ANKRD22: variants seen among roughly 807,000 people sequenced by gnomAD.
ANKRD22 encodes the protein ankyrin repeat domain 22, also known as ankyrin repeat domain-containing protein 22.
In ANKRD22, 24 loss-of-function variants were observed where a neutral mutation model predicts 25.7. That is an observed-to-expected ratio of 0.93 (90% confidence interval 0.68 to 1.31). The LOEUF (loss-of-function observed/expected upper bound fraction) is 1.31. ANKRD22 is among the 50% of genes most tolerant of loss of function. The pLI is 0.00. For synonymous variants in ANKRD22, 84 were observed against 84.3 expected (o/e 1.00, Z 0.02); for missense variants, 214 against 227.1 (o/e 0.94, Z 0.37).
chr10:88,828,254 G>A (rs1589323036), intron 3 of ANKRD22, among the ~76,000 whole-genome samples: 1 of 152,114 alleles, frequency 6.6e-6, no homozygotes, highest in African/African-American at 2.4e-5. Flanking sequence ...ATATTAGAAG[G>A]GGTGTTTTTT....
At chr10:88,831,362 G>A (rs1186436911) in intron 2 of ANKRD22, among the ~76,000 whole-genome samples, 1 of 152,038 alleles carries the variant, frequency 6.6e-6, no homozygotes, top group African/African-American at 2.4e-5. Context: ...ATTTGTCCTT[G>A]GTAAATTTCT....
Position 88,821,118 on chromosome 10 carries a change from T to C in ANKRD22, c.*1823A>G, listed in dbSNP as rs1843788764. On this transcript the variant is annotated 3_prime_UTR_variant, in exon 6 of 6. Transcript: ENST00000371930. ...TCCAATAAATGCATTCTGCATTACA[T>C]AAAGCATGTATGTGCATTTCAGTGT... Among the ~76,000 whole-genome samples, 1 of 152,242 alleles carries C rather than the reference T, an allele frequency of 6.6e-6. No homozygotes were observed. The highest frequency in any genetic ancestry group is 1.5e-5 in the Non-Finnish European group (1 of 68,034).
intron 3 of ANKRD22, among the ~76,000 whole-genome samples, chr10:88,827,642 T>C (rs891064988): frequency 3.3e-5 from 5 of 152,236 alleles, no homozygotes; most frequent in Admixed American, 6.5e-5. Flanking sequence ...CTCTCTCCTA[T>C]AAATCCAAAT....
intron 1 of ANKRD22, among the ~76,000 whole-genome samples, chr10:88,846,925 TCAG>T (rs1456011883): frequency 6.6e-6 from 1 of 152,196 alleles, no homozygotes; most frequent in African/African-American, 2.4e-5. Flanking sequence ...TGCTTTCTGA[TCAG>T]CAGATGTTTC....
intron 3 of ANKRD22, among the ~76,000 whole-genome samples, chr10:88,826,406 C>T (rs1843856749): frequency 6.6e-6 from 1 of 152,184 alleles, no homozygotes; most frequent in Admixed American, 6.5e-5. Context: ...GGCCTAGTAC[C>T]TGTCTTTCCC....
In ANKRD22 at chr10:88,822,579, C is replaced by G. The variant is rs1237018008; in HGVS notation, c.*362G>C. On this transcript the variant is annotated 3_prime_UTR_variant, in exon 6 of 6. Transcript: ENST00000371930. ...TTTTTTTTTTTTTGAGACAGGGTCT[C>G]GCTGTGTTGCCCTGGCTGCTCTCAA... The G allele has an allele frequency of 4.9e-5, 1 of 20,422 alleles. No individual in the cohort carries two copies. Among genetic ancestry groups the G allele is most frequent in the African/African-American group, 1.5e-4 (1 of 6,580 alleles). 1.3% of individuals were successfully genotyped at this position (20,422 alleles called of 1,614,324 possible).
In ANKRD22 at chr10:88,832,038, A is replaced by G; in HGVS notation, c.22-12T>C. 2 of 1,583,990 alleles carry G rather than the reference A, an allele frequency of 1.3e-6. No individual in the cohort carries two copies. Among genetic ancestry groups the G allele is most frequent in the Non-Finnish European group, 1.7e-6 (2 of 1,167,488 alleles). ...GCTTGGCAGATGGGCTGGGTCGGGA[A>G]AAACAAAAGCAGGTTTTGAAATACT... On this transcript the variant is annotated splice_polypyrimidine_tract_variant and intron_variant, in intron 1 of 5. Transcript: ENST00000371930.
chr10:88,843,301 C>T (rs1395052355), intron 1 of ANKRD22, among the ~76,000 whole-genome samples: 4 of 152,104 alleles, frequency 2.6e-5, no homozygotes, highest in Non-Finnish European at 1.5e-5. Context: ...GCTGAAAGAC[C>T]TCATCCCACC....
At chr10:88,834,980 G>A (rs1259548225) in intron 1 of ANKRD22, among the ~76,000 whole-genome samples, 1 of 152,002 alleles carries the variant, frequency 6.6e-6, no homozygotes, top group Non-Finnish European at 1.5e-5. Flanking sequence ...GCTAACACTG[G>A]GCCCATATTC....
At position 88,821,896 on chromosome 10, in the gene ANKRD22, C is replaced by T. The variant is rs966282273; in HGVS notation, c.*1045G>A. Among the ~76,000 whole-genome samples, 4 of 152,150 alleles carry T rather than the reference C, an allele frequency of 2.6e-5. No individual in the cohort carries two copies. Among genetic ancestry groups the T allele is most frequent in the Non-Finnish European group, 2.9e-5 (2 of 68,028 alleles). On this transcript the variant is annotated 3_prime_UTR_variant, in exon 6 of 6. Coordinates refer to ENST00000371930, the MANE Select transcript of ANKRD22 (RefSeq NM_144590.3). ...GAAGTGAGACAGATATTTTGATATT[C>T]GCAATCTCTCACTTAGACAAATAAT...
rs540092986 is a variant in ANKRD22 at position 88,829,880 on chromosome 10, G to A, written c.214-1214C>T. ...CAGCCTTGACTTCCTGGTCTCAAGCGATCCTTCAACTTCAGCCTCCAAAGT... is the reference window on the plus strand; with the variant it reads ...CAGCCTTGACTTCCTGGTCTCAAGCAATCCTTCAACTTCAGCCTCCAAAGT... On this transcript the variant is annotated intron_variant, in intron 2 of 5. Coordinates refer to ENST00000371930, the MANE Select transcript of ANKRD22 (RefSeq NM_144590.3). Among the ~76,000 whole-genome samples the A allele has an allele frequency of 6.0e-4, 91 of 152,264 alleles. 1 individual carries two copies. The South Asian group carries it at 0.011, about 19-fold the overall frequency.
At position 88,821,949 on chromosome 10, in the gene ANKRD22, G is replaced by A. The variant is rs544082472; in HGVS notation, c.*992C>T. Among the ~76,000 whole-genome samples, 8 of 152,266 alleles carry A rather than the reference G, an allele frequency of 5.3e-5. No individual in the cohort carries two copies. Among genetic ancestry groups the A allele is most frequent in the Middle Eastern group, 3.4e-3 (1 of 294 alleles). On this transcript the variant is annotated 3_prime_UTR_variant, in exon 6 of 6. Transcript: ENST00000371930. The stretch of plus-strand genomic sequence containing the variant: ...AGATCCTACCTCATTGTATAGCTCT[G>A]TTTCTTTTGAAGAACTTTATCCAAA...
chr10:88,830,877 A>G (rs1204043681), intron 2 of ANKRD22, among the ~76,000 whole-genome samples: 1 of 152,236 alleles, frequency 6.6e-6, no homozygotes, highest in Non-Finnish European at 1.5e-5. Flanking sequence ...GCAGTGATCT[A>G]CAGAGATCCT....
Position 88,821,250 on chromosome 10 carries a change from G to A in ANKRD22, c.*1691C>T, listed in dbSNP as rs1191114670. On this transcript the variant is annotated 3_prime_UTR_variant, in exon 6 of 6. Transcript: ENST00000371930. ...TCTGCCTCCAAAAATTAAAAGCTAG[G>A]GAGAAAATTGCATAATGTCATGAGC... Among the ~76,000 whole-genome samples the A allele has an allele frequency of 6.6e-6, 1 of 152,118 alleles. No homozygotes were observed. Among genetic ancestry groups the A allele is most frequent in the African/African-American group, 2.4e-5 (1 of 41,406 alleles).
At position 88,827,442 on chromosome 10, in the gene ANKRD22, G is replaced by A. The variant is rs187917314; in HGVS notation, c.321+1117C>T. 5.3e-5 allele frequency among the ~76,000 whole-genome samples: 8 copies of A among 152,280 alleles called. No homozygotes were observed. In the East Asian group the frequency reaches 1.3e-3, roughly 26 times the overall value. The stretch of plus-strand genomic sequence containing the variant: ...AGTTGTGTGTCAATAAATTCTGAAT[G>A]AGCCTTCTAATCACAGTTGTAATTT... On this transcript the variant is annotated intron_variant, in intron 3 of 5. Transcript: ENST00000371930.
At chr10:88,849,267 T>A (rs1844081747) in intron 1 of ANKRD22, among the ~76,000 whole-genome samples, 1 of 152,100 alleles carries the variant, frequency 6.6e-6, no homozygotes, top group Non-Finnish European at 1.5e-5. Context: ...ATGCAACAGT[T>A]CTCTGTTGCA....
chr10:88,840,608 A>T (rs1212047898), intron 1 of ANKRD22, among the ~76,000 whole-genome samples: 1 of 152,108 alleles, frequency 6.6e-6, no homozygotes. Flanking sequence ...AGCTCCCCTC[A>T]CTTAAAATGT....
At chr10:88,846,734 C>T (rs192292572) in intron 1 of ANKRD22, among the ~76,000 whole-genome samples, 14 of 152,264 alleles carry the variant, frequency 9.2e-5, no homozygotes, top group Admixed American at 3.3e-4. Context: ...CACATCCCAG[C>T]GCAATTATCC....
rs926754098 is a variant in ANKRD22, at chr10:88,820,472, T to G, written c.*2469A>C. ...GATGCAGCAGGAGGAGACCAACCTT[T>G]CCCAGGGACGGTGTGAGGCCGTATT... On this transcript the variant is annotated 3_prime_UTR_variant, in exon 6 of 6. Transcript: ENST00000371930. The G allele has an allele frequency of 3.9e-6, 6 of 1,551,436 alleles. No homozygotes were observed. Among genetic ancestry groups the G allele is most frequent in the Non-Finnish European group, 5.2e-6 (6 of 1,146,988 alleles).
Sources: gnomAD v4.1 joint callset for allele counts (sites outside exome capture counted in the v4.1 genomes callset) on GRCh38, gnomAD v4.1.1 for gene constraint, MANE v1.5 for transcripts, NCBI Gene and HGNC (gene_info 2026-07-23, HGNC 2026-07-21) for gene names.